Variants in BIN1 observed in about 807,000 individuals in gnomAD.
The protein encoded by BIN1 is bridging integrator 1.
A neutral mutation model predicts 82.0 loss-of-function variants in BIN1; 53 were observed. That is an observed-to-expected ratio of 0.65 (90% CI 0.52 to 0.81). BIN1 has a LOEUF of 0.81. Among genes scored for constraint, BIN1 ranks in the 40% least tolerant of loss-of-function variants. The pLI, the probability that BIN1 is intolerant of heterozygous loss-of-function variation, is 0.00. For synonymous variants in BIN1, 302 were observed against 328.0 expected, an observed-to-expected ratio of 0.92 and a Z score of 0.86; for missense variants, 642 against 784.4, an observed-to-expected ratio of 0.82 and a Z score of 2.17.
chr2:127,051,531 C>T (rs1175454983), intron 15 of BIN1, among the ~76,000 whole-genome samples: 3 of 152,172 alleles, frequency 2.0e-5, no homozygotes, highest in African/African-American at 7.2e-5. Flanking sequence ...CACCCCCAAC[C>T]CCGCCTCACA....
rs186472455 is a variant in BIN1 at position 127,067,138 on chromosome 2, G to A, written c.612+1025C>T. ...GCCAAGCCCACCCAGAGCTCTCCAC[G>A]TCACAGGCACTCAATGAAGATGATG... On this transcript the variant is annotated intron_variant, in intron 7 of 18. Transcript: ENST00000316724. The surrounding 1 kb of genome is among the most constrained non-coding windows in gnomAD (Gnocchi z 4.7). Among the ~76,000 whole-genome samples, 32 of 151,716 alleles carry A rather than the reference G, an allele frequency of 2.1e-4. No homozygotes were observed. The highest frequency in any genetic ancestry group is 7.0e-4 in the African/African-American group (29 of 41,334).
chr2:127,053,251 A>G (rs1573544723), intron 14 of BIN1, 171 bp downstream of exon 14: 1 of 892,296 alleles, frequency 1.1e-6, no homozygotes. Context: ...GAATGGCTGG[A>G]GGCGGGTGGC....
Position 127,093,632 on chromosome 2 carries a change from A to G in BIN1, c.84+13228T>C, listed in dbSNP as rs1679220177. On this transcript the variant is annotated intron_variant, in intron 1 of 18. Transcript: ENST00000316724. This position sits in a 1 kb window ranked among gnomAD's most constrained non-coding sequence, Gnocchi z 5.7. ...CCATTCCTCACCAACTTATGTCTGAAAACAGACAGTTCTCTCTGGTCCTTG... is the reference window on the plus strand; with the variant it reads ...CCATTCCTCACCAACTTATGTCTGAGAACAGACAGTTCTCTCTGGTCCTTG... 6.6e-6 allele frequency among the ~76,000 whole-genome samples: 1 copy of G among 152,210 alleles called. No individual in the cohort carries two copies. The highest frequency in any genetic ancestry group is 6.5e-5 in the Admixed American group (1 of 15,282).
chr2:127,061,632 G>T (rs1684501263), intron 10 of BIN1, among the ~76,000 whole-genome samples: 1 of 152,226 alleles, frequency 6.6e-6, no homozygotes, highest in African/African-American at 2.4e-5. Flanking sequence ...TTCCCGGAGG[G>T]GCTGAGGCTG....
Position 127,059,032 on chromosome 2 carries a change from G to GGTGGCCCCGGGC in BIN1, c.969_980dup (p.Pro324_Thr327dup), listed in dbSNP as rs754515412. The GGTGGCCCCGGGC allele has an allele frequency of 1.3e-6, 2 of 1,561,452 alleles. No individual in the cohort carries two copies. The highest frequency in any genetic ancestry group is 2.4e-5 in the South Asian group (2 of 84,860). On this transcript the variant is annotated inframe_insertion, in exon 11 of 19. Transcript: ENST00000316724. This position sits in a 1 kb window ranked among gnomAD's most constrained non-coding sequence, Gnocchi z 6.7. ...CTACCTGAGATGGGGACTTGGGGAG[G>GGTGGCCCCGGGC]GTGGCCCCGGGCGTGGCCCCGCCGG...
At chr2:127,100,051 G>A (rs996950582) in intron 1 of BIN1, among the ~76,000 whole-genome samples, 13 of 152,086 alleles carry the variant, frequency 8.5e-5, no homozygotes, top group African/African-American at 2.7e-4. Context: ...GGATCCACCC[G>A]TCTCGGCCTC....
At chr2:127,097,435 C>T (rs1461562554) in intron 1 of BIN1, among the ~76,000 whole-genome samples, 1 of 152,132 alleles carries the variant, frequency 6.6e-6, no homozygotes, top group African/African-American at 2.4e-5. Flanking sequence ...AGCGTCAGCC[C>T]TCCTGGTGTC....
intron 17 of BIN1, 30 bp from the exon 18 acceptor site, chr2:127,050,552 C>A: frequency 6.2e-7 from 1 of 1,611,780 alleles, no homozygotes; most frequent in Non-Finnish European, 8.5e-7. Context: ...CAAGTCAGAC[C>A]TTCCGTCCCA....
At chr2:127,051,009 T>C in intron 16 of BIN1, 97 bp from the exon 17 acceptor site, 4 of 1,501,766 alleles carry the variant, frequency 2.7e-6, no homozygotes, top group Non-Finnish European at 3.7e-6. Flanking sequence ...GAAAGGTGTC[T>C]GCGCCTGGTG....
At chr2:127,095,100 T>C (rs1051474450) in intron 1 of BIN1, among the ~76,000 whole-genome samples, 4 of 152,224 alleles carry the variant, frequency 2.6e-5, no homozygotes, top group African/African-American at 9.6e-5. Flanking sequence ...GCTTGGTTTA[T>C]ATTTCAGAAA....
chr2:127,102,713 C>G (rs548373884), intron 1 of BIN1, among the ~76,000 whole-genome samples: 5 of 152,338 alleles, frequency 3.3e-5, no homozygotes, highest in African/African-American at 1.2e-4. Flanking sequence ...CATGCCCACA[C>G]GCCTTTACCG....
rs1052933907 is a variant in BIN1, at chr2:127,067,182, G to T, written c.612+981C>A. On this transcript the variant is annotated intron_variant, in intron 7 of 18. Coordinates refer to ENST00000316724, the MANE Select transcript of BIN1 (RefSeq NM_139343.3). This position sits in a 1 kb window ranked among gnomAD's most constrained non-coding sequence, Gnocchi z 4.7. ...GATGATGAAATCAAGAGGAGGCTCCGAAAAAATGGGGCAGCTGCCCAGAGA... is the reference window on the plus strand; with the variant it reads ...GATGATGAAATCAAGAGGAGGCTCCTAAAAAATGGGGCAGCTGCCCAGAGA... Among the ~76,000 whole-genome samples, 2 of 152,008 alleles carry T rather than the reference G, an allele frequency of 1.3e-5. No homozygotes were observed. The highest frequency in any genetic ancestry group is 4.8e-5 in the African/African-American group (2 of 41,378).
Position 127,068,927 on chromosome 2 carries a change from G to C in BIN1, c.516C>G (p.Ala172=), listed in dbSNP as rs547747050. The change falls in exon 6 of 19, where the codon GCC becomes GCG. Residue 172 remains alanine (A), a synonymous_variant. Coordinates refer to ENST00000316724, the MANE Select transcript of BIN1 (RefSeq NM_139343.3). The surrounding 1 kb of genome is among the most constrained non-coding windows in gnomAD (Gnocchi z 4.9). ...TAKKKDEAKI[A]KPVSLLEKAA... ...CCGACCCGCCTCCAGCCCTTACCTT[G>C]GCAATTTTGGCTTCATCCTTCTTTT... The C allele has an allele frequency of 6.2e-7, 1 of 1,613,956 alleles. No individual in the cohort carries two copies. The highest frequency in any genetic ancestry group is 1.3e-5 in the African/African-American group (1 of 75,076).
intron 12 of BIN1, among the ~76,000 whole-genome samples, chr2:127,056,959 CT>C (rs1295931339): frequency 2.0e-5 from 3 of 152,236 alleles, no homozygotes; most frequent in African/African-American, 4.8e-5. Context: ...CCAAGCCCCC[CT>C]GGGTGGCTCC....
At chr2:127,086,727 C>T (rs1275579563) in intron 1 of BIN1, among the ~76,000 whole-genome samples, 2 of 152,202 alleles carry the variant, frequency 1.3e-5, no homozygotes, top group East Asian at 3.9e-4. Flanking sequence ...AGGCTGGTTT[C>T]GAACCCCTGA....
Position 127,057,692 on chromosome 2 carries a change from G to T in BIN1, c.1003-91C>A. 4 of 1,410,878 alleles carry T rather than the reference G, an allele frequency of 2.8e-6. No homozygotes were observed. Among genetic ancestry groups the T allele is most frequent in the Non-Finnish European group, 3.7e-6 (4 of 1,074,492 alleles). The allele number at this position is 1,410,878 out of a possible 1,614,324, so 87.4% of individuals were successfully genotyped here. On this transcript the variant is annotated intron_variant, in intron 11 of 18. Transcript: ENST00000316724. This position sits in a 1 kb window ranked among gnomAD's most constrained non-coding sequence, Gnocchi z 5.0. The stretch of plus-strand genomic sequence containing the variant: ...ACAGACAGAGACAAAGCCACGGTTA[G>T]TCACACCTCAGGCCACAGTCCCACC...
chr2:127,062,799 CT>C (rs1198150530), intron 9 of BIN1, among the ~76,000 whole-genome samples: 2 of 152,170 alleles, frequency 1.3e-5, no homozygotes, highest in African/African-American at 4.8e-5. Flanking sequence ...ATTTTTTAAA[CT>C]TTTCGTAAGT....
At position 127,063,676 on chromosome 2, in the gene BIN1, G is replaced by A. The variant is rs1241254337; in HGVS notation, c.699-30C>T. On this transcript the variant is annotated intron_variant, in intron 8 of 18. Transcript: ENST00000316724. ...AGAAGGGCGGAAGGATGGGGGCCAG[G>A]TGAACAGGCAGGTCAGGACAGCAAC... is the stretch of plus-strand genomic sequence containing the variant. 13 of 1,608,110 alleles carry A rather than the reference G, an allele frequency of 8.1e-6. No individual in the cohort carries two copies. In the Admixed American group the frequency reaches 1.9e-4, roughly 23 times the overall value.
At chr2:127,102,975 G>A (rs977637769) in intron 1 of BIN1, among the ~76,000 whole-genome samples, 2 of 152,188 alleles carry the variant, frequency 1.3e-5, no homozygotes, top group Non-Finnish European at 2.9e-5. Flanking sequence ...AAGGACAGAA[G>A]GACAGAGATG....
Sources: gnomAD v4.1 joint callset for allele counts (sites outside exome capture counted in the v4.1 genomes callset) on GRCh38, gnomAD v4.1.1 for gene constraint, Gnocchi (gnomAD v3.1) non-coding constraint, MANE v1.5 for transcripts, NCBI Gene and HGNC (gene_info 2026-07-23, HGNC 2026-07-21) for gene names.